BCLAF1: variants seen among roughly 807,000 people sequenced by gnomAD.
BCLAF1 encodes the protein BCL2 associated transcription factor 1.
A neutral mutation model predicts 99.5 loss-of-function variants in BCLAF1; 10 were observed. The observed-to-expected ratio is 0.10, with a 90% CI of 0.06 to 0.17. The LOEUF (loss-of-function observed/expected upper bound fraction) is 0.17. BCLAF1 is among the 10% of genes least tolerant of loss of function. The pLI is 1.00. For missense variants in BCLAF1, 636 were observed against 1,105.8 expected, an observed-to-expected ratio of 0.58 and a Z score of 6.02; for synonymous variants, 255 against 370.9, an observed-to-expected ratio of 0.69 and a Z score of 3.59.
chr6:136,267,181 T>A lies in BCLAF1; in HGVS notation c.2398-6A>T. 1.9e-6 allele frequency: 3 copies of A among 1,611,818 alleles called. No individual in the cohort carries two copies. Among genetic ancestry groups the A allele is most frequent in the Non-Finnish European group, 2.5e-6 (3 of 1,178,584 alleles). ...CCTCTGCCTCTAATTCGAAACTGAT[T>A]AACATTAACAAAGTTGTTTAGTGAT... On this transcript the variant is annotated splice_region_variant and splice_polypyrimidine_tract_variant and intron_variant, in intron 10 of 12. Transcript: ENST00000531224.
chr6:136,261,557 T>A, intron 11 of BCLAF1, 80 bp from the exon 12 acceptor site: 1 of 1,406,742 alleles, frequency 7.1e-7, no homozygotes, highest in Non-Finnish European at 9.8e-7. Context: ...ATCACAGTAT[T>A]AATCTTCTGA....
At position 136,268,068 on chromosome 6, in the gene BCLAF1, A is replaced by G. The variant is rs562696241; in HGVS notation, c.2397+94T>C. On this transcript the variant is annotated intron_variant, in intron 10 of 12. Coordinates refer to ENST00000531224, the MANE Select transcript of BCLAF1 (RefSeq NM_014739.3). ...TCTGACTTTAGGAATAATGACACAC[A>G]TAACAATCTCTAAATCATGTATATG... is the stretch of plus-strand genomic sequence containing the variant. 36 of 1,185,388 alleles carry G rather than the reference A, an allele frequency of 3.0e-5. No individual in the cohort carries two copies. The East Asian group carries it at 4.1e-4, about 14-fold the overall frequency. The allele number at this position is 1,185,388 out of a possible 1,614,324, so 73.4% of individuals were successfully genotyped here. A position where few individuals can be genotyped will look rare whatever the true frequency, so the allele number is the denominator to read the frequency against.
chr6:136,272,032 G>A lies in BCLAF1; in HGVS notation c.2006C>T (p.Ala669Val), dbSNP rs571115620. ...TTCTTTAAAAACTCTCTCTTCCCCT[G>A]CTAAACGGGTATGCTTCCTCAGGGT... ...PSTLRKHTRL[A>V]GEERVFKEEN... Residue 669 changes from alanine to valine, a missense_variant, in exon 8 of 13, where the codon GCA becomes GTA. By Grantham distance (64) the Ala-to-Val change is moderately conservative. Transcript: ENST00000531224. The A allele has an allele frequency of 1.1e-5, 17 of 1,605,814 alleles. No individual in the cohort carries two copies. The East Asian group carries it at 3.1e-4, about 30-fold the overall frequency.
chr6:136,258,153 T>TTA lies in BCLAF1; in HGVS notation c.*2955_*2956dup, dbSNP rs531886081. The TTA allele has an allele frequency of 9.2e-5, 14 of 152,220 alleles. No homozygotes were observed. The East Asian group carries it at 2.5e-3, about 27-fold the overall frequency. The allele number at this position is 152,220 out of a possible 1,614,324, so 9.4% of individuals were successfully genotyped here. ...CTGACAGGATGGCACATGGTAAGAA[T>TTA]TATACCACATCTTACTTAAAGTGAA... On this transcript the variant is annotated 3_prime_UTR_variant, in exon 13 of 13. Coordinates refer to ENST00000531224, the MANE Select transcript of BCLAF1 (RefSeq NM_014739.3).
intron 6 of BCLAF1, chr6:136,274,152 A>C (rs1207917689): frequency 7.8e-7 from 1 of 1,288,930 alleles, no homozygotes; most frequent in Admixed American, 2.3e-5. Flanking sequence ...TTTTACTTTG[A>C]AACATGGATT....
intron 10 of BCLAF1, 104 bp downstream of exon 10, chr6:136,268,057 TA>T: frequency 9.0e-7 from 1 of 1,108,076 alleles, no homozygotes; most frequent in Non-Finnish European, 1.2e-6. Context: ...ACTTTAGGAA[TA>T]ATGACACACA....
Position 136,278,782 on chromosome 6 carries a change from A to C in BCLAF1, c.105-6T>G. On this transcript the variant is annotated splice_region_variant and splice_polypyrimidine_tract_variant and intron_variant, in intron 3 of 12. Transcript: ENST00000531224. Reference sequence around the variant, plus strand: ...TTCTGGAACGAGACCTAGAACTAAAAATGAAATAAATATCAATGCAAGAAA... The same window carrying C: ...TTCTGGAACGAGACCTAGAACTAAACATGAAATAAATATCAATGCAAGAAA... The C allele has an allele frequency of 1.3e-6, 2 of 1,499,782 alleles. No homozygotes were observed. The highest frequency in any genetic ancestry group is 1.4e-5 in the African/African-American group (1 of 71,778). The allele number at this position is 1,499,782 out of a possible 1,614,324, so 92.9% of individuals were successfully genotyped here.
chr6:136,278,992 AAAACACACAC>A (rs988407098), intron 3 of BCLAF1, among the ~76,000 whole-genome samples: 3 of 44,104 alleles, frequency 6.8e-5, no homozygotes, highest in Non-Finnish European at 4.2e-5. Flanking sequence ...ATGAAGGCAC[AAAACACACAC>A]ACACACACAC....
chr6:136,269,388 A>G, intron 9 of BCLAF1, 49 bp downstream of exon 9: 1 of 1,582,022 alleles, frequency 6.3e-7, no homozygotes, highest in East Asian at 2.2e-5. Context: ...GACAATTATT[A>G]AAGGCTAATT....
At chr6:136,276,617 A>C in intron 4 of BCLAF1, 109 bp from the exon 5 acceptor site, 1 of 1,322,832 alleles carries the variant, frequency 7.6e-7, no homozygotes, top group Non-Finnish European at 1.0e-6. Context: ...GAGAGAAAAT[A>C]ACCCTATTGA....
chr6:136,268,956 T>C (rs1782130577), intron 9 of BCLAF1: 1 of 304,094 alleles, frequency 3.3e-6, no homozygotes, highest in Non-Finnish European at 5.2e-6. Flanking sequence ...GGTTAACTCT[T>C]ACCACTGCTA....
chr6:136,283,457 T>C (rs890081236), intron 1 of BCLAF1, among the ~76,000 whole-genome samples: 2 of 152,144 alleles, frequency 1.3e-5, no homozygotes, highest in African/African-American at 4.8e-5. Flanking sequence ...TCAATATTCT[T>C]CCTAAAATAA....
In BCLAF1 at chr6:136,275,526, G is replaced by C. The variant is rs1783164747; in HGVS notation, c.1852+6C>G. The C allele has an allele frequency of 6.5e-7, 1 of 1,543,666 alleles. No homozygotes were observed. Among genetic ancestry groups the C allele is most frequent in the African/African-American group, 1.4e-5 (1 of 72,116 alleles). On this transcript the variant is annotated splice_donor_region_variant and intron_variant, in intron 6 of 12. Transcript: ENST00000531224. Reference sequence around the variant, plus strand: ...TAATTCACGATACTAAACATACTAAGCATACCTTTAACATGATGAACCAAG... The same window carrying C: ...TAATTCACGATACTAAACATACTAACCATACCTTTAACATGATGAACCAAG...
rs918475622 is a variant in BCLAF1 at position 136,257,194 on chromosome 6, T to C, written c.*3916A>G. ...AGTGCTACAAATCAGTTCACTGTGGTAAAACACCAAAAATATCCATAGGAA... is the reference window on the plus strand; with the variant it reads ...AGTGCTACAAATCAGTTCACTGTGGCAAAACACCAAAAATATCCATAGGAA... On this transcript the variant is annotated 3_prime_UTR_variant, in exon 13 of 13. Transcript: ENST00000531224. The C allele has an allele frequency of 3.3e-5, 5 of 152,202 alleles. No individual in the cohort carries two copies. The highest frequency in any genetic ancestry group is 7.4e-5 in the Non-Finnish European group (5 of 68,026). 9.4% of individuals were successfully genotyped at this position (152,202 alleles called of 1,614,324 possible). A position where few individuals can be genotyped will look rare whatever the true frequency, so the allele number is the denominator to read the frequency against.
intron 11 of BCLAF1, among the ~76,000 whole-genome samples, chr6:136,262,234 G>A (rs930565657): frequency 1.3e-5 from 2 of 152,062 alleles, no homozygotes; most frequent in Non-Finnish European, 2.9e-5. Context: ...GAGTAGAGAT[G>A]GGTATTATAT....
intron 6 of BCLAF1, chr6:136,273,844 G>C (rs1426648743): frequency 1.9e-6 from 1 of 527,064 alleles, no homozygotes; most frequent in Non-Finnish European, 2.6e-6. Context: ...TTTAAAACCA[G>C]TTCAAGATAT....
In BCLAF1 at chr6:136,278,286, T is replaced by C. The variant is rs752199648; in HGVS notation, c.595A>G (p.Ile199Val). 1.7e-5 allele frequency: 27 copies of C among 1,614,050 alleles called. No homozygotes were observed. Among genetic ancestry groups the C allele is most frequent in the East Asian group, 6.7e-5 (3 of 44,902 alleles). ...GCTGATGACTTATTAAATTCATCGA[T>C]AGACTCAGATGGGTCATGTTCAAAT... ...DTFEHDPSES[I>V]DEFNKSSATS... Residue 199 changes from isoleucine (I) to valine (V), a missense_variant, in exon 4 of 13, where the codon ATC (isoleucine) becomes GTC (valine). By Grantham distance (29) the Ile-to-Val change is conservative. Transcript: ENST00000531224.
intron 6 of BCLAF1, 33 bp downstream of exon 6, chr6:136,275,499 T>C: frequency 6.9e-7 from 1 of 1,455,844 alleles, no homozygotes; most frequent in Non-Finnish European, 9.1e-7. Flanking sequence ...GCAAGAGAAA[T>C]TTAATTCACG....
chr6:136,256,876 ATTT>A lies in BCLAF1; in HGVS notation c.*4231_*4233del, dbSNP rs1156630449. ...TCCACTATTCTGGAGGGTGAGTGGT[ATTT>A]TTTATTTATTGTTGCTCTTCGCATT... On this transcript the variant is annotated 3_prime_UTR_variant, in exon 13 of 13. Coordinates refer to ENST00000531224, the MANE Select transcript of BCLAF1 (RefSeq NM_014739.3). 1 of 152,098 alleles carries A rather than the reference ATTT, an allele frequency of 6.6e-6. No individual in the cohort carries two copies. Among genetic ancestry groups the A allele is most frequent in the Admixed American group, 6.5e-5 (1 of 15,270 alleles). 9.4% of individuals were successfully genotyped at this position (152,098 alleles called of 1,614,324 possible).
Sources: gnomAD v4.1 joint callset for allele counts (sites outside exome capture counted in the v4.1 genomes callset) on GRCh38, gnomAD v4.1.1 for gene constraint, MANE v1.5 for transcripts, NCBI Gene and HGNC (gene_info 2026-07-23, HGNC 2026-07-21) for gene names.